The following TRIM42 variants were observed in gnomAD, a reference collection of about 807,000 sequenced individuals.
The protein encoded by TRIM42 is tripartite motif-containing protein 42.
TRIM42 carries 59 observed loss-of-function variants against 64.9 expected under a neutral mutation model. The observed-to-expected ratio is 0.91, with a 90% CI of 0.74 to 1.13. The LOEUF (loss-of-function observed/expected upper bound fraction) is 1.13, where lower values mean the gene tolerates loss of function less well. TRIM42 is among the 50% of genes most tolerant of loss of function. The pLI is 0.00. For synonymous variants in TRIM42, 354 were observed against 346.3 expected (o/e 1.02, Z -0.25); for missense variants, 878 against 929.5 (o/e 0.94, Z 0.72).
chr3:140,679,056 C>CCT (rs1553762397), intron 1 of TRIM42, among the ~76,000 whole-genome samples: 1 of 122,646 alleles, frequency 8.2e-6, no homozygotes, highest in Non-Finnish European at 1.9e-5. Context: ...GAGACAATAC[C>CCT]CCCCCCATGA....
chr3:140,682,512 TA>T lies in TRIM42; in HGVS notation c.395del (p.Lys132SerfsTer10). ...AGCAGCGATACCCAGGTGGATGAAG[TA>T]AAGTCAATACCAGCCAACAGTCACC... ...TGSSDTQVDE[V>X]KSIPANSHLV... On this transcript the variant is annotated frameshift_variant, in exon 2 of 5. Coordinates refer to ENST00000286349, the MANE Select transcript of TRIM42 (RefSeq NM_152616.5). LOFTEE classifies it high-confidence loss of function. 6.2e-7 allele frequency: 1 copy of T among 1,614,060 alleles called. No homozygotes were observed. The highest frequency in any genetic ancestry group is 8.5e-7 in the Non-Finnish European group (1 of 1,180,016).
rs34244712 is a variant in TRIM42 at position 140,688,455 on chromosome 3, C to T, written c.1773C>T (p.His591=). ...SQSVQNSSSF[H]NWYSFNDGSV... ...CTGTACAGAACAGCAGCAGCTTCCACAACTGGTACTCATTCAACGATGGCT... is the reference window on the plus strand; with the variant it reads ...CTGTACAGAACAGCAGCAGCTTCCATAACTGGTACTCATTCAACGATGGCT... The change falls in exon 3 of 5, where the codon CAC becomes CAT. Residue 591 remains histidine, a synonymous_variant. Transcript: ENST00000286349. 3.0e-4 allele frequency: 481 copies of T among 1,614,216 alleles called. 4 individuals carry two copies. The African/African-American group carries it at 5.9e-3, about 20-fold the overall frequency.
chr3:140,685,510 A>C (rs1988526279), intron 2 of TRIM42, among the ~76,000 whole-genome samples: 1 of 152,198 alleles, frequency 6.6e-6, no homozygotes, highest in African/African-American at 2.4e-5. Flanking sequence ...GACCCACCCC[A>C]GGCCTAGTGC....
At chr3:140,695,598 G>T (rs767679347) in intron 4 of TRIM42, among the ~76,000 whole-genome samples, 2 of 152,114 alleles carry the variant, frequency 1.3e-5, no homozygotes, top group Non-Finnish European at 2.9e-5. Context: ...CAGCTGCCCT[G>T]AGTCTCTGCA....
intron 4 of TRIM42, among the ~76,000 whole-genome samples, chr3:140,691,514 G>A (rs1352670438): frequency 6.6e-6 from 1 of 152,178 alleles, no homozygotes; most frequent in Non-Finnish European, 1.5e-5. Context: ...GTGTGAGAAG[G>A]ACATGAAATA....
At position 140,688,176 on chromosome 3, in the gene TRIM42, C is replaced by T. The variant is rs754567939; in HGVS notation, c.1494C>T (p.Arg498=). 1.9e-6 allele frequency: 3 copies of T among 1,614,068 alleles called. No homozygotes were observed. The highest frequency in any genetic ancestry group is 3.3e-5 in the Admixed American group (2 of 60,010). ...ELFPTGPKKV[R]SSGDSLPSPY... is the part of the protein sequence containing the mutation. ...TCCCCACAGGGCCCAAGAAGGTACG[C>T]TCCTCAGGGGACTCCCTGCCCTCCC... is the stretch of plus-strand genomic sequence containing the variant. Residue 498 remains arginine, a synonymous_variant, in exon 3 of 5, where the codon CGC becomes CGT. Transcript: ENST00000286349.
intron 3 of TRIM42, among the ~76,000 whole-genome samples, chr3:140,688,771 C>T (rs1480283247): frequency 6.6e-6 from 1 of 152,172 alleles, no homozygotes; most frequent in Non-Finnish European, 1.5e-5. Flanking sequence ...AACTCATAAT[C>T]GTAAATATAT....
At position 140,678,261 on chromosome 3, in the gene TRIM42, G is replaced by A. The variant is rs1988256641; in HGVS notation, c.32G>A (p.Cys11Tyr). Reference protein sequence around the residue: METAMCVCCPCCTWQRCCPQL... With the variant: METAMCVCCPYCTWQRCCPQL... ...ACTGCTATGTGCGTTTGCTGTCCAT[G>A]TTGTACATGGCAGAGATGTTGTCCT... Residue 11 changes from cysteine to tyrosine, a missense_variant, in exon 1 of 5, where the codon TGT becomes TAT. Physicochemically the swap from Cys to Tyr is radical, Grantham distance 194. Transcript: ENST00000286349. 7 of 1,614,192 alleles carry A rather than the reference G, an allele frequency of 4.3e-6. No homozygotes were observed. Among genetic ancestry groups the A allele is most frequent in the African/African-American group, 4.0e-5 (3 of 75,048 alleles).
intron 4 of TRIM42, among the ~76,000 whole-genome samples, chr3:140,693,842 T>G (rs1988783977): frequency 6.6e-6 from 1 of 152,236 alleles, no homozygotes; most frequent in Non-Finnish European, 1.5e-5. Flanking sequence ...AAAATTAACT[T>G]TAATGATTTT....
intron 1 of TRIM42, among the ~76,000 whole-genome samples, chr3:140,679,433 C>G (rs1249113923): frequency 6.6e-6 from 1 of 152,158 alleles, no homozygotes; most frequent in African/African-American, 2.4e-5. Flanking sequence ...GGAAAGATGA[C>G]AGCACCATAA....
intron 2 of TRIM42, among the ~76,000 whole-genome samples, chr3:140,683,745 A>G (rs1988477435): frequency 6.6e-6 from 1 of 152,252 alleles, no homozygotes; most frequent in African/African-American, 2.4e-5. Context: ...GCAAACATAT[A>G]ACAACAGGGA....
At chr3:140,687,636 C>T in intron 2 of TRIM42, 86 bp from the exon 3 acceptor site, 1 of 982,956 alleles carries the variant, frequency 1.0e-6, no homozygotes, top group South Asian at 1.7e-5. Context: ...TCCTTGGAGC[C>T]TAGGGTAATT....
At chr3:140,679,317 C>A (rs551993711) in intron 1 of TRIM42, among the ~76,000 whole-genome samples, 22 of 152,276 alleles carry the variant, frequency 1.4e-4, no homozygotes, top group African/African-American at 5.1e-4. Flanking sequence ...GGAGTGCTAA[C>A]CCTTCATATC....
chr3:140,682,212 G>A (rs992239926), intron 1 of TRIM42, among the ~76,000 whole-genome samples: 1 of 152,178 alleles, frequency 6.6e-6, no homozygotes, highest in Non-Finnish European at 1.5e-5. Context: ...ATCTTCTCAA[G>A]AAACTCTATG....
rs369615036 is a variant in TRIM42 at position 140,691,000 on chromosome 3, C to G, written c.1893C>G (p.Asp631Glu). The stretch of plus-strand genomic sequence containing the variant: ...GGACATGTCCAGCAGAAGACGTGGA[C>G]TCTTTTGAGATGGAATTCTATGAAG... Reference protein sequence around the residue: ...VYWTCPAEDVDSFEMEFYEVI... With the variant: ...VYWTCPAEDVESFEMEFYEVI... The change falls in exon 4 of 5, where the codon GAC becomes GAG. Residue 631 changes from aspartate to glutamate, a missense_variant. Coordinates refer to ENST00000286349, the MANE Select transcript of TRIM42 (RefSeq NM_152616.5). 10 of 1,614,006 alleles carry G rather than the reference C, an allele frequency of 6.2e-6. No individual in the cohort carries two copies. The highest frequency in any genetic ancestry group is 6.8e-6 in the Non-Finnish European group (8 of 1,179,946).
intron 4 of TRIM42, 99 bp downstream of exon 4, chr3:140,691,291 G>A: frequency 9.9e-7 from 1 of 1,009,824 alleles, no homozygotes; most frequent in South Asian, 1.5e-5. Flanking sequence ...ACTCACTATG[G>A]GACTCTTCCT....
At chr3:140,683,872 A>G (rs1327528881) in intron 2 of TRIM42, among the ~76,000 whole-genome samples, 3 of 152,226 alleles carry the variant, frequency 2.0e-5, no homozygotes, top group African/African-American at 7.2e-5. Flanking sequence ...AAGTGAAATA[A>G]TATTTCAATG....
intron 2 of TRIM42, among the ~76,000 whole-genome samples, chr3:140,687,419 T>TA (rs1276592513): frequency 6.6e-6 from 1 of 152,140 alleles, no homozygotes; most frequent in Admixed American, 6.5e-5. Context: ...TGAAATCTGG[T>TA]AAAAACCAAT....
chr3:140,684,154 C>T (rs1576416732), intron 2 of TRIM42, among the ~76,000 whole-genome samples: 1 of 152,130 alleles, frequency 6.6e-6, no homozygotes, highest in East Asian at 1.9e-4. Flanking sequence ...AATAATGCTA[C>T]AGTACAGGCA....
Sources: gnomAD v4.1 joint callset for allele counts (sites outside exome capture counted in the v4.1 genomes callset) on GRCh38, gnomAD v4.1.1 for gene constraint, MANE v1.5 for transcripts, NCBI Gene and HGNC (gene_info 2026-07-23, HGNC 2026-07-21) for gene names.